The following ITFG1 variants were observed in gnomAD, a reference collection of about 807,000 sequenced individuals.
The protein encoded by ITFG1 is integrin alpha FG-GAP repeat containing 1.
A neutral mutation model predicts 81.8 loss-of-function variants in ITFG1; 34 were observed. The observed-to-expected ratio is 0.42, with a 90% CI of 0.32 to 0.55. The LOEUF (loss-of-function observed/expected upper bound fraction) is 0.55. Among genes scored for constraint, ITFG1 ranks in the 20% least tolerant of loss-of-function variants. ITFG1 has a pLI of 0.17. For synonymous variants in ITFG1, 285 were observed against 270.6 expected (o/e 1.05, Z -0.52); for missense variants, 672 against 755.4 (o/e 0.89, Z 1.29).
chr16:47,326,993 C>T (rs1402229122), intron 8 of ITFG1, among the ~76,000 whole-genome samples: 1 of 152,102 alleles, frequency 6.6e-6, no homozygotes, highest in Non-Finnish European at 1.5e-5. Context: ...GCATATGGAA[C>T]CAAAAAAGAG....
At chr16:47,167,878 A>G (rs958132096) in intron 14 of ITFG1, among the ~76,000 whole-genome samples, 7 of 152,158 alleles carry the variant, frequency 4.6e-5, no homozygotes, top group Admixed American at 6.5e-5. Context: ...CTATTTGGCT[A>G]TTATTGCTGC....
At chr16:47,387,990 A>G (rs546895141) in intron 6 of ITFG1, among the ~76,000 whole-genome samples, 137 of 152,248 alleles carry the variant, frequency 9.0e-4, no homozygotes, top group Non-Finnish European at 1.4e-3. Flanking sequence ...CTTATCAAAT[A>G]TAAAATATCC....
intron 10 of ITFG1, among the ~76,000 whole-genome samples, chr16:47,291,364 T>A (rs1406223905): frequency 1.3e-5 from 2 of 152,206 alleles, no homozygotes; most frequent in African/African-American, 4.8e-5. Context: ...TTGCTGTTTT[T>A]AAATTTTTTT....
intron 6 of ITFG1, among the ~76,000 whole-genome samples, chr16:47,400,940 T>C (rs73543118): frequency 0.069 from 10,520 of 152,064 alleles, 613 homozygotes; most frequent in African/African-American, 0.15. Context: ...TAAGAAAGGG[T>C]GTGATAAGAT....
chr16:47,285,074 G>T (rs1009600627), intron 10 of ITFG1, among the ~76,000 whole-genome samples: 1 of 152,068 alleles, frequency 6.6e-6, no homozygotes, highest in Non-Finnish European at 1.5e-5. Context: ...CATAGCCCTC[G>T]TTACAGTCTT....
intron 6 of ITFG1, among the ~76,000 whole-genome samples, chr16:47,423,289 A>T (rs1291908868): frequency 7.4e-6 from 1 of 134,474 alleles, no homozygotes. Flanking sequence ...TTTGCTAGGT[A>T]GATTTTCCTC....
chr16:47,332,498 A>AT (rs1165409568), intron 8 of ITFG1, among the ~76,000 whole-genome samples: 2 of 152,208 alleles, frequency 1.3e-5, no homozygotes, highest in Non-Finnish European at 2.9e-5. Flanking sequence ...TCATTTACAT[A>AT]TTTTGTTCAT....
intron 14 of ITFG1, among the ~76,000 whole-genome samples, chr16:47,194,967 C>T (rs1965339386): frequency 6.6e-6 from 1 of 152,086 alleles, no homozygotes; most frequent in Admixed American, 6.6e-5. Flanking sequence ...TGTGCACCAT[C>T]CCCCACACCT....
At chr16:47,404,727 C>T (rs1968706711) in intron 6 of ITFG1, among the ~76,000 whole-genome samples, 1 of 151,896 alleles carries the variant, frequency 6.6e-6, no homozygotes, top group African/African-American at 2.4e-5. Context: ...TTTTTTTGCT[C>T]AGCATTGTTT....
At position 47,257,233 on chromosome 16, in the gene ITFG1, T is replaced by A. The variant is rs1191656594; in HGVS notation, c.1330+1399A>T. 2.0e-5 allele frequency among the ~76,000 whole-genome samples: 3 copies of A among 152,008 alleles called. No homozygotes were observed. The East Asian group carries it at 5.8e-4, about 29-fold the overall frequency. ...AAGACGAAGTTGTCTATGTAGAAAA[T>A]CCCAAGGAATCTTCAAAAAACCCTC... On this transcript the variant is annotated intron_variant, in intron 12 of 17. Transcript: ENST00000320640.
chr16:47,452,990 C>A (rs1030542064), intron 3 of ITFG1, among the ~76,000 whole-genome samples, 200 bp from the exon 4 acceptor site: 3 of 152,118 alleles, frequency 2.0e-5, no homozygotes, highest in Non-Finnish European at 2.9e-5. Context: ...AGAATACATT[C>A]TACAGTGAAG....
chr16:47,313,833 G>A lies in ITFG1; in HGVS notation c.803-10C>T. On this transcript the variant is annotated splice_polypyrimidine_tract_variant and intron_variant, in intron 8 of 17. Coordinates refer to ENST00000320640, the MANE Select transcript of ITFG1 (RefSeq NM_030790.5). ...ATGTGTCCATCTCCATCTGCCAAAA[G>A]AAACTTCAAGAGTCCATTAATAGTC... 6.6e-7 allele frequency: 1 copy of A among 1,514,862 alleles called. No individual in the cohort carries two copies. Among genetic ancestry groups the A allele is most frequent in the Non-Finnish European group, 9.1e-7 (1 of 1,103,664 alleles). The allele number at this position is 1,514,862 out of a possible 1,614,324, so 93.8% of individuals were successfully genotyped here. A position where few individuals can be genotyped will look rare whatever the true frequency, so the allele number is the denominator to read the frequency against.
At chr16:47,298,891 T>C (rs752882243) in intron 10 of ITFG1, among the ~76,000 whole-genome samples, 5 of 152,164 alleles carry the variant, frequency 3.3e-5, no homozygotes, top group African/African-American at 4.8e-5. Flanking sequence ...AGGTGGTGGG[T>C]TGGGCCCTGG....
intron 6 of ITFG1, among the ~76,000 whole-genome samples, chr16:47,386,819 A>G (rs999025220): frequency 6.6e-6 from 1 of 152,196 alleles, no homozygotes; most frequent in Non-Finnish European, 1.5e-5. Context: ...GTCCCCTAAT[A>G]TTTAAAACAG....
chr16:47,223,910 T>C (rs1328495144), intron 13 of ITFG1, among the ~76,000 whole-genome samples: 1 of 152,058 alleles, frequency 6.6e-6, no homozygotes, highest in Non-Finnish European at 1.5e-5. Flanking sequence ...TTCATGTCCT[T>C]TGTAGGGACA....
chr16:47,257,072 G>A (rs759065996), intron 12 of ITFG1, among the ~76,000 whole-genome samples: 1 of 152,140 alleles, frequency 6.6e-6, no homozygotes, highest in Non-Finnish European at 1.5e-5. Context: ...AAGCCAAAAT[G>A]TTTTCCCCTT....
rs1288867297 is a variant in ITFG1, at chr16:47,428,882, G to C, written c.577C>G (p.Pro193Ala). The C allele has an allele frequency of 1.9e-6, 3 of 1,587,534 alleles. No individual in the cohort carries two copies. Among genetic ancestry groups the C allele is most frequent in the Non-Finnish European group, 2.6e-6 (3 of 1,163,850 alleles). Reference protein sequence around the residue: ...ILLGGNLSWHPALTTTSKMRI... With the variant: ...ILLGGNLSWHAALTTTSKMRI... The stretch of plus-strand genomic sequence containing the variant: ...ATTTTACTTGTAGTGGTCAATGCTG[G>C]ATGCCATGATAAATTCCTAAAAAAT... The change falls in exon 6 of 18, where the codon CCA (proline) becomes GCA (alanine). Residue 193 changes from proline to alanine, a missense_variant. This residue lies in a region of ITFG1 where 560 missense variants were observed against 625.7 expected (regional missense o/e 0.90). Transcript: ENST00000320640.
In ITFG1 at chr16:47,158,965, G is replaced by C; in HGVS notation, c.1687C>G (p.Pro563Ala). The C allele has an allele frequency of 6.4e-7, 1 of 1,568,562 alleles. No homozygotes were observed. The highest frequency in any genetic ancestry group is 1.2e-5 in the South Asian group (1 of 83,266). The change falls in exon 17 of 18, where the codon CCA becomes GCA. Residue 563 changes from proline (P) to alanine (A), a missense_variant. Pro to Ala is a conservative substitution (Grantham distance 27). This residue lies in a region of ITFG1 where 65 missense variants were observed against 103.3 expected (regional missense o/e 0.63). Coordinates refer to ENST00000320640, the MANE Select transcript of ITFG1 (RefSeq NM_030790.5). The part of the protein sequence containing the change: ...RSWSAKLYLT[P>A]SNIVLLTAIA... ...GCAGTAAGCAGAACAATATTACTTG[G>C]TGTAAGATACAGTTTGGCACTCCAA...
intron 14 of ITFG1, among the ~76,000 whole-genome samples, chr16:47,176,610 G>C (rs1179126838): frequency 6.6e-6 from 1 of 152,164 alleles, no homozygotes; most frequent in Non-Finnish European, 1.5e-5. Context: ...AGCTGCCTAA[G>C]AGAATCATAC....
Sources: gnomAD v4.1 joint callset for allele counts (sites outside exome capture counted in the v4.1 genomes callset) on GRCh38, gnomAD v4.1.1 for gene constraint, gnomAD v4.1.1 regional missense constraint, MANE v1.5 for transcripts, NCBI Gene and HGNC (gene_info 2026-07-23, HGNC 2026-07-21) for gene names.